The following ZPBP variants were observed in gnomAD, a reference collection of about 807,000 sequenced individuals.
ZPBP encodes zona pellucida-binding protein 1.
ZPBP carries 26 observed loss-of-function variants against 44.8 expected under a neutral mutation model. That is an observed-to-expected ratio of 0.58 (90% confidence interval 0.43 to 0.81). The LOEUF (loss-of-function observed/expected upper bound fraction) is 0.81, where lower values mean the gene tolerates loss of function less well. Ranked by LOEUF, ZPBP falls within the 30% of genes least tolerant of loss-of-function variation. The pLI is 0.00. For missense variants in ZPBP, 409 were observed against 434.0 expected (o/e 0.94, Z 0.51); for synonymous variants, 174 against 153.2 (o/e 1.14, Z -1.00).
intron 7 of ZPBP, among the ~76,000 whole-genome samples, chr7:49,975,990 T>C (rs1796497197): frequency 6.6e-6 from 1 of 152,196 alleles, no homozygotes; most frequent in Admixed American, 6.5e-5. Flanking sequence ...TATATACATA[T>C]TATTTTACTA....
intron 7 of ZPBP, among the ~76,000 whole-genome samples, chr7:49,967,985 G>A (rs1406438689): frequency 1.3e-5 from 2 of 151,984 alleles, no homozygotes; most frequent in African/African-American, 4.8e-5. Flanking sequence ...TGGTACTTGT[G>A]TAACCAAAAC....
chr7:50,068,185 A>G (rs1801632489), intron 3 of ZPBP, among the ~76,000 whole-genome samples: 1 of 152,030 alleles, frequency 6.6e-6, no homozygotes, highest in Non-Finnish European at 1.5e-5. Flanking sequence ...TTGGCATCTA[A>G]ATGTGGCAGA....
intron 2 of ZPBP, among the ~76,000 whole-genome samples, chr7:49,876,645 T>C (rs900649): frequency 0.71 from 107,487 of 152,002 alleles, 38,483 homozygotes; most frequent in East Asian, 0.88. Flanking sequence ...AGAATTGCCT[T>C]GTTGTTTTTT....
downstream of ZPBP, among the ~76,000 whole-genome samples, chr7:49,934,503 T>C (rs1430214131): frequency 1.3e-5 from 2 of 152,108 alleles, no homozygotes; most frequent in African/African-American, 4.8e-5. Context: ...TGTTAACATT[T>C]TGGTGCATTT....
At chr7:49,952,766 C>A (rs1226285027) in intron 7 of ZPBP, among the ~76,000 whole-genome samples, 3 of 151,882 alleles carry the variant, frequency 2.0e-5, no homozygotes, top group Non-Finnish European at 4.4e-5. Context: ...GACATATTAT[C>A]CAGGTAACAA....
In ZPBP at chr7:50,093,165, C is replaced by A. The variant is rs1242683233; in HGVS notation, c.30G>T (p.Arg10=). The change falls in exon 1 of 8, where the codon CGG becomes CGT. Residue 10 remains arginine (R), a synonymous_variant. Coordinates refer to ENST00000046087, the MANE Select transcript of ZPBP (RefSeq NM_007009.3). MEAFALGPA[R]RGRRRTRAAG... is the part of the protein sequence containing the mutation. ...CGGCCCGGGTCCGCCGCCTGCCCCG[C>A]CGCGCTGGGCCAAGGGCGAAGGCCT... 6.5e-7 allele frequency: 1 copy of A among 1,539,726 alleles called. No homozygotes were observed. Among genetic ancestry groups the A allele is most frequent in the Non-Finnish European group, 8.7e-7 (1 of 1,144,276 alleles).
chr7:49,885,215 T>C (rs1372652680), intron 2 of ZPBP, among the ~76,000 whole-genome samples: 1 of 152,124 alleles, frequency 6.6e-6, no homozygotes, highest in African/African-American at 2.4e-5. Context: ...CAGAGAAGTT[T>C]TAATGTAACT....
intron 1 of ZPBP, among the ~76,000 whole-genome samples, chr7:50,092,680 C>T (rs150233364): frequency 2.4e-4 from 37 of 152,338 alleles, no homozygotes; most frequent in Non-Finnish European, 4.3e-4. Context: ...TGGCGCTCCA[C>T]CATCACGGAT....
At chr7:49,937,414 G>T (rs1794658194), downstream of ZPBP, 2 of 811,850 alleles carry the variant, frequency 2.5e-6, no homozygotes, top group African/African-American at 3.4e-5. Flanking sequence ...TGATTAAAAT[G>T]ATGACACATT....
intron 6 of ZPBP, among the ~76,000 whole-genome samples, chr7:49,998,812 G>C (rs565814037): frequency 6.6e-6 from 1 of 152,046 alleles, no homozygotes; most frequent in East Asian, 1.9e-4. Flanking sequence ...TGTTCCTCTA[G>C]AACCGCTCTT....
chr7:49,884,870 C>T (rs1791828313), intron 2 of ZPBP, among the ~76,000 whole-genome samples: 1 of 151,914 alleles, frequency 6.6e-6, no homozygotes, highest in Admixed American at 6.6e-5. Context: ...AAAAATAATA[C>T]ATGAGAAAAT....
chr7:49,883,613 T>C (rs970133273), intron 2 of ZPBP, among the ~76,000 whole-genome samples: 2 of 152,052 alleles, frequency 1.3e-5, no homozygotes, highest in African/African-American at 4.8e-5. Flanking sequence ...TCTTCCAAAG[T>C]TGTGGAAATG....
chr7:50,038,621 T>C (rs984071584), intron 4 of ZPBP, among the ~76,000 whole-genome samples: 1 of 152,192 alleles, frequency 6.6e-6, no homozygotes, highest in African/African-American at 2.4e-5. Flanking sequence ...AGGACATACA[T>C]CAGAGGCTTC....
intron 7 of ZPBP, among the ~76,000 whole-genome samples, chr7:49,980,098 A>ATTTATAT (rs1284004817): frequency 2.1e-5 from 2 of 96,618 alleles, no homozygotes; most frequent in Non-Finnish European, 3.7e-5. Flanking sequence ...TTTATATTAT[A>ATTTATAT]TATAATTATA....
At chr7:50,005,446 G>A (rs1381824866) in intron 6 of ZPBP, among the ~76,000 whole-genome samples, 1 of 151,838 alleles carries the variant, frequency 6.6e-6, no homozygotes, top group Non-Finnish European at 1.5e-5. Flanking sequence ...TATATTAATG[G>A]ACACACAGAA....
At chr7:49,851,010 G>A (rs1037094597) in intron 2 of ZPBP, among the ~76,000 whole-genome samples, 10 of 152,272 alleles carry the variant, frequency 6.6e-5, no homozygotes, top group Admixed American at 2.6e-4. Context: ...TTACTCGTCC[G>A]CAATTCTGCA....
intron 7 of ZPBP, among the ~76,000 whole-genome samples, chr7:49,966,541 G>A (rs1023170492): frequency 9.9e-5 from 15 of 151,902 alleles, no homozygotes; most frequent in Admixed American, 6.6e-5. Context: ...CAGAAATCTC[G>A]GGAAATCCCC....
intron 7 of ZPBP, among the ~76,000 whole-genome samples, chr7:49,979,763 C>T (rs892709750): frequency 7.1e-6 from 1 of 140,092 alleles, no homozygotes; most frequent in Non-Finnish European, 1.5e-5. Context: ...TACTATGTTC[C>T]AGTTTATTTT....
intron 7 of ZPBP, among the ~76,000 whole-genome samples, chr7:49,978,050 G>C (rs1331791334): frequency 6.7e-6 from 1 of 149,794 alleles, no homozygotes; most frequent in African/African-American, 2.5e-5. Flanking sequence ...AATGCTACTT[G>C]ATCTACAAGT....
Sources: gnomAD v4.1 joint callset for allele counts (sites outside exome capture counted in the v4.1 genomes callset) on GRCh38, gnomAD v4.1.1 for gene constraint, MANE v1.5 for transcripts, NCBI Gene and HGNC (gene_info 2026-07-23, HGNC 2026-07-21) for gene names.